NALCN: variants seen among roughly 807,000 people sequenced by gnomAD.
NALCN encodes the protein sodium leak channel, non-selective.
A neutral mutation model predicts 225.3 loss-of-function variants in NALCN; 111 were observed. The ratio of observed to expected loss-of-function variants is 0.49; its 90% confidence interval spans 0.42 to 0.58. The LOEUF (loss-of-function observed/expected upper bound fraction) is 0.58, where lower values mean the gene tolerates loss of function less well. NALCN is among the 20% of genes least tolerant of loss of function. The pLI, the probability that NALCN is intolerant of heterozygous loss-of-function variation, is 0.00. For missense variants in NALCN, 1,378 were observed against 2,202.4 expected (o/e 0.63, Z 7.49); for synonymous variants, 764 against 769.0 (o/e 0.99, Z 0.11).
intron 10 of NALCN, among the ~76,000 whole-genome samples, chr13:101,278,237 G>T (rs1352801970): frequency 6.6e-6 from 1 of 151,996 alleles, no homozygotes; most frequent in East Asian, 1.9e-4. Flanking sequence ...CAATTAGTTT[G>T]GGTTCAGCTG....
chr13:101,083,035 C>T (rs2033742465), intron 32 of NALCN, 57 bp downstream of exon 32: 6 of 1,570,524 alleles, frequency 3.8e-6, no homozygotes, highest in East Asian at 2.2e-5. Context: ...GTGATACTCT[C>T]GGATGTAGCA....
At chr13:101,168,030 A>AT (rs2038536541) in intron 15 of NALCN, among the ~76,000 whole-genome samples, 3 of 151,854 alleles carry the variant, frequency 2.0e-5, no homozygotes, top group African/African-American at 4.8e-5. Flanking sequence ...CATGGTGACT[A>AT]TTTTTTTGAC....
chr13:101,170,357 A>G (rs924107045), intron 15 of NALCN, among the ~76,000 whole-genome samples: 10 of 152,102 alleles, frequency 6.6e-5, no homozygotes, highest in Admixed American at 3.9e-4. Flanking sequence ...TTTTTGTTCT[A>G]TCTGGGACCT....
chr13:101,141,093 C>G (rs761028681), intron 17 of NALCN, among the ~76,000 whole-genome samples: 6 of 152,112 alleles, frequency 3.9e-5, no homozygotes, highest in Non-Finnish European at 7.3e-5. Flanking sequence ...TAATTAGTGT[C>G]CTGGAAGACC....
chr13:101,160,649 T>C (rs1237629192), intron 15 of NALCN, among the ~76,000 whole-genome samples: 1 of 152,172 alleles, frequency 6.6e-6, no homozygotes, highest in Non-Finnish European at 1.5e-5. Flanking sequence ...TTCTGTTTTT[T>C]GTTTTGTTTT....
chr13:101,133,214 G>A, intron 17 of NALCN, among the ~76,000 whole-genome samples: 1 of 152,138 alleles, frequency 6.6e-6, no homozygotes, highest in East Asian at 1.9e-4. Context: ...CCTTCAGAAT[G>A]AAGCCATCAA....
At position 101,076,249 on chromosome 13, in the gene NALCN, A is replaced by G. The variant is rs1151372; in HGVS notation, c.3886-308T>C. Among the ~76,000 whole-genome samples the G allele has an allele frequency of 0.046, 7,037 of 152,284 alleles. 513 individuals are homozygous for G. The highest frequency in any genetic ancestry group is 0.16 in the African/African-American group (6,540 of 41,534). On this transcript the variant is annotated intron_variant, in intron 34 of 43. Coordinates refer to ENST00000251127, the MANE Select transcript of NALCN (RefSeq NM_052867.4). The stretch of plus-strand genomic sequence containing the variant: ...GCATACAGGGTGTGAAAAACACAGG[A>G]TAACAGTGCAACATAGGAAGGTCAA...
intron 9 of NALCN, among the ~76,000 whole-genome samples, chr13:101,289,215 C>T (rs1207263370): frequency 6.6e-6 from 1 of 152,192 alleles, no homozygotes; most frequent in Admixed American, 6.5e-5. Context: ...TCACAAGGCT[C>T]TCAGAGGCCA....
chr13:101,336,943 A>G (rs78576123), intron 7 of NALCN, among the ~76,000 whole-genome samples: 3,184 of 152,272 alleles, frequency 0.021, 118 homozygotes, highest in African/African-American at 0.073. Flanking sequence ...ACCAAATAGC[A>G]TATTTTCTTT....
intron 6 of NALCN, among the ~76,000 whole-genome samples, chr13:101,376,018 T>C (rs966084663): frequency 6.6e-6 from 1 of 152,158 alleles, no homozygotes; most frequent in African/African-American, 2.4e-5. Context: ...TTAAAGTACA[T>C]ACATTCTATC....
At chr13:101,083,940 G>C (rs1274534332) in intron 30 of NALCN, 136 bp from the exon 31 acceptor site, 4 of 698,614 alleles carry the variant, frequency 5.7e-6, no homozygotes, top group Non-Finnish European at 6.5e-6. Context: ...GTGGTGGTGA[G>C]AGAAACATGG....
At chr13:101,353,385 A>G (rs1328269308) in intron 6 of NALCN, among the ~76,000 whole-genome samples, 1 of 152,182 alleles carries the variant, frequency 6.6e-6, no homozygotes, top group Admixed American at 6.5e-5. Flanking sequence ...TCAGACAATC[A>G]TCTGACTTCA....
intron 14 of NALCN, among the ~76,000 whole-genome samples, chr13:101,183,574 T>C (rs891717439): frequency 6.6e-6 from 1 of 152,062 alleles, no homozygotes; most frequent in Non-Finnish European, 1.5e-5. Context: ...GTTCTCCTGC[T>C]TCAGCCTCCG....
intron 11 of NALCN, among the ~76,000 whole-genome samples, chr13:101,257,493 G>A (rs996193778): frequency 1.3e-5 from 2 of 152,140 alleles, no homozygotes; most frequent in Non-Finnish European, 2.9e-5. Flanking sequence ...ATTTTTAAAT[G>A]TACTGAGAGA....
At chr13:101,349,609 G>T (rs1462614999) in intron 6 of NALCN, among the ~76,000 whole-genome samples, 1 of 149,098 alleles carries the variant, frequency 6.7e-6, no homozygotes, top group Non-Finnish European at 1.5e-5. Context: ...TGAAGGTGCT[G>T]GTTTGTCCAT....
intron 13 of NALCN, among the ~76,000 whole-genome samples, chr13:101,207,423 T>C (rs1372754476): frequency 6.6e-6 from 1 of 152,234 alleles, no homozygotes. Flanking sequence ...TTCTTTGTAA[T>C]TGATTTTATT....
intron 6 of NALCN, among the ~76,000 whole-genome samples, chr13:101,372,035 T>G (rs561135069): frequency 6.6e-6 from 1 of 152,198 alleles, no homozygotes; most frequent in Admixed American, 6.5e-5. Context: ...TTTAGAGTTA[T>G]GATTACTGAA....
At chr13:101,259,459 G>A (rs548199387) in intron 10 of NALCN, among the ~76,000 whole-genome samples, 21 of 151,582 alleles carry the variant, frequency 1.4e-4, no homozygotes, top group South Asian at 4.2e-4. Context: ...TCAGCCTCCC[G>A]AGTAGCTGGG....
intron 41 of NALCN, among the ~76,000 whole-genome samples, chr13:101,060,449 AT>A (rs55697849): frequency 0.11 from 10,671 of 93,464 alleles, 717 homozygotes; most frequent in African/African-American, 0.25. Context: ...TGGCTAATTA[AT>A]TTTTTTTTTT....
Sources: allele counts gnomAD v4.1 joint callset (sites outside exome capture counted in the v4.1 genomes callset), GRCh38; gene constraint gnomAD v4.1.1; transcripts MANE v1.5; gene names NCBI Gene and HGNC (gene_info 2026-07-23, HGNC 2026-07-21).